Variants in SEMA3D observed in about 807,000 individuals in gnomAD.
SEMA3D encodes the protein semaphorin-3D.
Under a neutral mutation model 100.1 loss-of-function variants are expected in SEMA3D, and 84 were observed. That is an observed-to-expected ratio of 0.84 (90% CI 0.70 to 1.01). The LOEUF is 1.01. SEMA3D is among the 50% of genes least tolerant of loss of function. The pLI is 0.00. For missense variants in SEMA3D, 875 were observed against 934.1 expected (o/e 0.94, Z 0.82); for synonymous variants, 312 against 320.7 (o/e 0.97, Z 0.29).
Position 84,997,047 on chromosome 7 carries a change from T to G in SEMA3D, c.*2393A>C, listed in dbSNP as rs1789521258. 6.6e-6 allele frequency: 1 copy of G among 151,792 alleles called. No individual in the cohort carries two copies. The highest frequency in any genetic ancestry group is 1.5e-5 in the Non-Finnish European group (1 of 67,838). The allele number at this position is 151,792 out of a possible 1,614,324, so 9.4% of individuals were successfully genotyped here. ...TTTATTTTACTAATAATATTTTTAATATATTTTAACTAATTATCATAAATC... is the reference window on the plus strand; with the variant it reads ...TTTATTTTACTAATAATATTTTTAAGATATTTTAACTAATTATCATAAATC... On this transcript the variant is annotated 3_prime_UTR_variant, in exon 19 of 19. Transcript: ENST00000284136.
chr7:85,238,351 A>C, the SEMA3D span, among the ~76,000 whole-genome samples: 1 of 152,108 alleles, frequency 6.6e-6, no homozygotes, highest in African/African-American at 2.4e-5. Flanking sequence ...TTACATATAG[A>C]TCTATGATCC....
chr7:85,223,772 G>C, the SEMA3D span, among the ~76,000 whole-genome samples: 41 of 151,964 alleles, frequency 2.7e-4, no homozygotes, highest in African/African-American at 8.2e-4. Flanking sequence ...GGAGGGGTGA[G>C]GGGGGTGCAG....
chr7:85,106,521 T>C (rs189510264), intron 3 of SEMA3D, among the ~76,000 whole-genome samples: 18 of 152,108 alleles, frequency 1.2e-4, no homozygotes, highest in African/African-American at 4.3e-4. Flanking sequence ...ATAACAATAT[T>C]GTTTTATAAA....
chr7:85,007,089 G>A (rs1789819425), intron 17 of SEMA3D, 148 bp from the exon 18 acceptor site: 2 of 519,610 alleles, frequency 3.8e-6, no homozygotes, highest in Non-Finnish European at 6.4e-6. Context: ...ATTGTTACCT[G>A]AGACAAATAT....
At chr7:85,142,012 T>C (rs1199080368) in intron 2 of SEMA3D, 9 of 981,470 alleles carry the variant, frequency 9.2e-6, no homozygotes, top group Admixed American at 6.2e-5. Context: ...CAAGGTACTA[T>C]TTAAATTTAA....
At chr7:85,029,693 T>G in intron 12 of SEMA3D, 1 of 350,498 alleles carries the variant, frequency 2.9e-6, no homozygotes, top group Non-Finnish European at 5.6e-6. Context: ...AGAGGTTGAT[T>G]AAGACAACCC....
At chr7:85,146,564 T>A (rs186815732) in intron 2 of SEMA3D, among the ~76,000 whole-genome samples, 2,992 of 150,658 alleles carry the variant, frequency 0.02, 65 homozygotes, top group South Asian at 0.075. Flanking sequence ...AAAAAAAATA[T>A]ATATATATAT....
chr7:85,142,047 G>GA (rs933738354), intron 2 of SEMA3D: 29,226 of 652,072 alleles, frequency 0.045, 1 homozygote, highest in Non-Finnish European at 0.05. Flanking sequence ...GAAGGTAAGA[G>GA]AAAAAAAAAA....
At chr7:85,036,122 A>T (rs1371838428) in intron 12 of SEMA3D, among the ~76,000 whole-genome samples, 1 of 151,690 alleles carries the variant, frequency 6.6e-6, no homozygotes, top group Non-Finnish European at 1.5e-5. Context: ...TAAATCCAAA[A>T]TGAAAAAAAA....
At chr7:85,131,254 TGAA>T (rs139172546) in intron 2 of SEMA3D, among the ~76,000 whole-genome samples, 268 of 151,858 alleles carry the variant, frequency 1.8e-3, no homozygotes, top group Middle Eastern at 0.01. Context: ...TGAAAGCAAA[TGAA>T]GAAAATAATT....
intron 17 of SEMA3D, among the ~76,000 whole-genome samples, chr7:85,011,232 G>T (rs1789944155): frequency 6.6e-6 from 1 of 151,850 alleles, no homozygotes; most frequent in South Asian, 2.1e-4. Flanking sequence ...GAAGGCAAAA[G>T]AAAGTGTTTC....
At chr7:85,126,613 T>C (rs1789578592) in intron 2 of SEMA3D, among the ~76,000 whole-genome samples, 1 of 152,080 alleles carries the variant, frequency 6.6e-6, no homozygotes, top group African/African-American at 2.4e-5. Context: ...ATTAACTCAC[T>C]TTTGCCAAAT....
rs1265344002 is a variant in SEMA3D at position 85,068,269 on chromosome 7, G to T, written c.511C>A (p.Leu171Ile). Residue 171 changes from leucine to isoleucine, a missense_variant, in exon 7 of 19, where the codon CTA becomes ATA. Coordinates refer to ENST00000284136, the MANE Select transcript of SEMA3D (RefSeq NM_001384900.1). ...CCAGACTCCAAATTATGTGTGTCTA[G>T]TTTGAATATAATATCCTGTTATGAG... ...GVYKEDIIFK[L>I]DTHNLESGRL... The T allele has an allele frequency of 3.8e-6, 6 of 1,583,216 alleles. No individual in the cohort carries two copies. In the South Asian group the frequency reaches 6.6e-5, roughly 18 times the overall value.
At chr7:85,044,106 T>C (rs1267408183) in intron 9 of SEMA3D, among the ~76,000 whole-genome samples, 2 of 152,042 alleles carry the variant, frequency 1.3e-5, no homozygotes, top group African/African-American at 4.8e-5. Flanking sequence ...CTTCAATCTA[T>C]GTTCTGTAAA....
intron 5 of SEMA3D, among the ~76,000 whole-genome samples, chr7:85,074,897 G>C (rs1441081015): frequency 6.6e-6 from 1 of 152,028 alleles, no homozygotes; most frequent in African/African-American, 2.4e-5. Flanking sequence ...TAGGATTACA[G>C]GCATGAGCCA....
intron 3 of SEMA3D, among the ~76,000 whole-genome samples, chr7:85,104,577 T>C (rs1344079651): frequency 6.6e-6 from 1 of 152,038 alleles, no homozygotes; most frequent in Non-Finnish European, 1.5e-5. Context: ...CGATGGTCTA[T>C]ATTCTTCCTC....
the SEMA3D span, among the ~76,000 whole-genome samples, chr7:85,249,928 G>C: frequency 6.6e-6 from 1 of 152,168 alleles, no homozygotes; most frequent in Non-Finnish European, 1.5e-5. Flanking sequence ...GCAGAAGACG[G>C]GTGATTTCTG....
At chr7:85,095,890 AT>A (rs1349770109) in intron 4 of SEMA3D, among the ~76,000 whole-genome samples, 1 of 152,048 alleles carries the variant, frequency 6.6e-6, no homozygotes, top group Non-Finnish European at 1.5e-5. Context: ...TGCATGGAAC[AT>A]CGCCAAAGAG....
At chr7:85,048,644 T>A (rs930553356) in intron 9 of SEMA3D, among the ~76,000 whole-genome samples, 1 of 151,862 alleles carries the variant, frequency 6.6e-6, no homozygotes, top group African/African-American at 2.4e-5. Flanking sequence ...CCTGTGGGTT[T>A]TCTTTTGCAA....
Sources: gnomAD v4.1 joint callset for allele counts (sites outside exome capture counted in the v4.1 genomes callset) on GRCh38, gnomAD v4.1.1 for gene constraint, MANE v1.5 for transcripts, NCBI Gene and HGNC (gene_info 2026-07-23, HGNC 2026-07-21) for gene names.